The following ADAMTS16 variants were observed in gnomAD, a reference collection of about 807,000 sequenced individuals.
ADAMTS16 encodes A disintegrin and metalloproteinase with thrombospondin motifs 16.
Under a neutral mutation model 145.8 loss-of-function variants are expected in ADAMTS16, and 94 were observed. The observed-to-expected ratio is 0.64, with a 90% CI of 0.55 to 0.77. The LOEUF is 0.77. ADAMTS16 is among the 30% of genes least tolerant of loss of function. The pLI is 0.00. For missense variants in ADAMTS16, 1,585 were observed against 1,591.5 expected (o/e 1.00, Z 0.07); for synonymous variants, 659 against 604.3 (o/e 1.09, Z -1.33).
At chr5:5,160,344 A>G (rs934198191) in intron 3 of ADAMTS16, among the ~76,000 whole-genome samples, 1 of 152,188 alleles carries the variant, frequency 6.6e-6, no homozygotes, top group African/African-American at 2.4e-5. Flanking sequence ...AATCCTAATT[A>G]TCTATTCTGC....
At chr5:5,252,224 G>A (rs1737652207) in intron 17 of ADAMTS16, among the ~76,000 whole-genome samples, 1 of 152,126 alleles carries the variant, frequency 6.6e-6, no homozygotes, top group Admixed American at 6.5e-5. Flanking sequence ...TTCACCAGGG[G>A]ACTTCTCTCC....
intron 10 of ADAMTS16, among the ~76,000 whole-genome samples, chr5:5,212,189 G>GTTTTTTTTT (rs200419820): frequency 5.1e-5 from 5 of 98,718 alleles, no homozygotes; most frequent in Admixed American, 1.3e-4. Context: ...TAGTTTCTGG[G>GTTTTTTTTT]GTTTTTTTTG....
At chr5:5,250,597 C>G (rs1048397156) in intron 17 of ADAMTS16, among the ~76,000 whole-genome samples, 1 of 152,174 alleles carries the variant, frequency 6.6e-6, no homozygotes, top group African/African-American at 2.4e-5. Context: ...GAGCAGGACC[C>G]TGGTGTGATG....
intron 3 of ADAMTS16, among the ~76,000 whole-genome samples, chr5:5,161,365 C>T (rs1457536132): frequency 1.3e-5 from 2 of 152,196 alleles, no homozygotes; most frequent in African/African-American, 4.8e-5. Flanking sequence ...ACTTCTTTCT[C>T]CAGTTTCCAC....
At chr5:5,185,885 T>G (rs535296232) in intron 4 of ADAMTS16, among the ~76,000 whole-genome samples, 167 bp from the exon 5 acceptor site, 66 of 152,334 alleles carry the variant, frequency 4.3e-4, no homozygotes, top group South Asian at 1.5e-3. Context: ...TTACTTAAAT[T>G]TAGTGTGCTA....
At position 5,140,476 on chromosome 5, in the gene ADAMTS16, C is replaced by G; in HGVS notation, c.9C>G (p.Pro3=). Residue 3 remains proline (P), a synonymous_variant, in exon 1 of 23, where the codon CCC becomes CCG. Transcript: ENST00000274181. The stretch of plus-strand genomic sequence containing the variant: ...CCTCGGAGCGCTCCTGGATGAAGCC[C>G]CGCGCGCGCGGATGGCGGGGCTTGG... MK[P]RARGWRGLAA... The G allele has an allele frequency of 6.6e-7, 1 of 1,514,028 alleles. No individual in the cohort carries two copies. Among genetic ancestry groups the G allele is most frequent in the Non-Finnish European group, 8.8e-7 (1 of 1,140,532 alleles). The allele number at this position is 1,514,028 out of a possible 1,614,324, so 93.8% of individuals were successfully genotyped here.
In ADAMTS16 at chr5:5,199,174, C is replaced by T. The variant is rs371285429; in HGVS notation, c.1314-958C>T. On this transcript the variant is annotated intron_variant, in intron 8 of 22. Coordinates refer to ENST00000274181, the MANE Select transcript of ADAMTS16 (RefSeq NM_139056.4). ...ACTCAAGGCCCTCCTACAGCTTTCA[C>T]AGGTTAAGAAGAAGAGACTTGCTGA... Among the ~76,000 whole-genome samples, 139 of 152,266 alleles carry T rather than the reference C, an allele frequency of 9.1e-4. 1 individual carries two copies. Among genetic ancestry groups the T allele is most frequent in the African/African-American group, 3.2e-3 (134 of 41,542 alleles).
At chr5:5,275,647 A>G (rs1362088326) in intron 18 of ADAMTS16, among the ~76,000 whole-genome samples, 2 of 152,152 alleles carry the variant, frequency 1.3e-5, no homozygotes, top group Non-Finnish European at 2.9e-5. Flanking sequence ...TTTTGTTATT[A>G]AGTAATGACC....
At chr5:5,314,290 G>A (rs765506937) in intron 21 of ADAMTS16, among the ~76,000 whole-genome samples, 5 of 152,212 alleles carry the variant, frequency 3.3e-5, no homozygotes, top group Non-Finnish European at 4.4e-5. Context: ...ATAAATGTGT[G>A]AAGCCTGTGG....
chr5:5,181,933 G>A, intron 3 of ADAMTS16, 111 bp from the exon 4 acceptor site: 2 of 1,278,436 alleles, frequency 1.6e-6, no homozygotes, highest in South Asian at 1.5e-5. Context: ...TCACTGGAGG[G>A]AACAGCATGC....
At chr5:5,205,133 C>T (rs2126598291) in intron 9 of ADAMTS16, among the ~76,000 whole-genome samples, 1 of 151,700 alleles carries the variant, frequency 6.6e-6, no homozygotes, top group African/African-American at 2.4e-5. Flanking sequence ...TGTATACATT[C>T]TGAGTATAAA....
chr5:5,274,931 C>T (rs73039119), intron 18 of ADAMTS16, among the ~76,000 whole-genome samples: 6,143 of 152,168 alleles, frequency 0.04, 171 homozygotes, highest in African/African-American at 0.083. Context: ...CCACACTCAG[C>T]GTAACTGTCC....
chr5:5,214,986 C>T (rs1047908876), intron 10 of ADAMTS16, among the ~76,000 whole-genome samples: 2 of 152,078 alleles, frequency 1.3e-5, no homozygotes, highest in African/African-American at 4.8e-5. Flanking sequence ...GCAAATGGCC[C>T]AGTGCCCAGA....
chr5:5,277,224 C>A (rs565822371), intron 18 of ADAMTS16, among the ~76,000 whole-genome samples: 1 of 152,142 alleles, frequency 6.6e-6, no homozygotes, highest in South Asian at 2.1e-4. Context: ...ATGCTTCAGC[C>A]GCATCACAGA....
chr5:5,282,839 T>G (rs1237145566), intron 18 of ADAMTS16, among the ~76,000 whole-genome samples: 3 of 152,150 alleles, frequency 2.0e-5, no homozygotes, highest in Non-Finnish European at 4.4e-5. Context: ...AATTTTTACT[T>G]TAGTCACTGT....
chr5:5,140,568 G>T (rs1403928464), intron 1 of ADAMTS16, 29 bp downstream of exon 1: 3 of 1,500,576 alleles, frequency 2.0e-6, no homozygotes, highest in Non-Finnish European at 2.6e-6. Context: ...CACCAGCGCG[G>T]AAACCGCGGG....
At position 5,320,187 on chromosome 5, in the gene ADAMTS16, C is replaced by T; in HGVS notation, c.*1049C>T. 1 of 309,186 alleles carries T rather than the reference C, an allele frequency of 3.2e-6. No individual in the cohort carries two copies. The highest frequency in any genetic ancestry group is 6.1e-6 in the Non-Finnish European group (1 of 163,130). The allele number at this position is 309,186 out of a possible 1,614,324, so 19.2% of individuals were successfully genotyped here. ...CTGCCCGGCGTCTCTGGCACCCTCC[C>T]TGCCATCCTCAGTGCGGCTGCTGTT... On this transcript the variant is annotated 3_prime_UTR_variant, in exon 23 of 23. Transcript: ENST00000274181. This position sits in a 1 kb window ranked among gnomAD's most constrained non-coding sequence, Gnocchi z 5.1.
rs553283417 is a variant in ADAMTS16, at chr5:5,320,240, C to G, written c.*1102C>G. 4.1e-6 allele frequency: 1 copy of G among 244,344 alleles called. No homozygotes were observed. Among genetic ancestry groups the G allele is most frequent in the East Asian group, 1.6e-4 (1 of 6,328 alleles). The allele number at this position is 244,344 out of a possible 1,614,324, so 15.1% of individuals were successfully genotyped here. On this transcript the variant is annotated 3_prime_UTR_variant, in exon 23 of 23. Coordinates refer to ENST00000274181, the MANE Select transcript of ADAMTS16 (RefSeq NM_139056.4). The surrounding 1 kb of genome is among the most constrained non-coding windows in gnomAD (Gnocchi z 5.1). ...CCTGTCCGGTGCTGTGGCTCCATTC[C>G]AAAGGGGCACCTGGATATTTATATT...
At chr5:5,278,181 C>T (rs553311810) in intron 18 of ADAMTS16, among the ~76,000 whole-genome samples, 53 of 152,266 alleles carry the variant, frequency 3.5e-4, no homozygotes, top group Middle Eastern at 3.4e-3. Flanking sequence ...AGTCACAGCT[C>T]CCTGCCCCAG....
Sources: gnomAD v4.1 joint callset for allele counts (sites outside exome capture counted in the v4.1 genomes callset) on GRCh38, gnomAD v4.1.1 for gene constraint, Gnocchi (gnomAD v3.1) non-coding constraint, MANE v1.5 for transcripts, NCBI Gene and HGNC (gene_info 2026-07-23, HGNC 2026-07-21) for gene names.